Variants in RUNX3 observed in about 807,000 individuals in gnomAD.
The protein encoded by RUNX3 is RUNX family transcription factor 3.
In RUNX3, 10 loss-of-function variants were observed where a neutral mutation model predicts 27.7. The observed-to-expected ratio is 0.36, with a 90% CI of 0.22 to 0.61. The LOEUF is 0.61. RUNX3 is among the 20% of genes least tolerant of loss of function. RUNX3 has a pLI of 0.72. For missense variants in RUNX3, 469 were observed against 629.5 expected, an observed-to-expected ratio of 0.75 and a Z score of 2.73; for synonymous variants, 270 against 269.2, an observed-to-expected ratio of 1.00 and a Z score of -0.03.
Position 24,929,802 on chromosome 1 carries a change from C to A in RUNX3, c.67G>T (p.Gly23Cys), listed in dbSNP as rs1231804510. The A allele has an allele frequency of 2.1e-6, 3 of 1,424,844 alleles. No individual in the cohort carries two copies. Among genetic ancestry groups the A allele is most frequent in the Non-Finnish European group, 2.7e-6 (3 of 1,097,402 alleles). The allele number at this position is 1,424,844 out of a possible 1,614,324, so 88.3% of individuals were successfully genotyped here. The change falls in exon 1 of 5, where the codon GGC becomes TGC. Residue 23 changes from glycine to cysteine, a missense_variant. By Grantham distance (159) the Gly-to-Cys change is radical. Transcript: ENST00000308873. ...FTPPSPAFPC[G>C]GGGGKMGENS... The stretch of plus-strand genomic sequence containing the variant: ...TCGCCCATCTTGCCGCCGCCGCCGC[C>A]GCAGGGGAAGGCCGGGGAGGGAGGT...
intron 4 of RUNX3, among the ~76,000 whole-genome samples, chr1:24,906,953 A>G (rs1387686866): frequency 6.6e-6 from 1 of 152,168 alleles, no homozygotes; most frequent in East Asian, 1.9e-4. Flanking sequence ...CAATTTTAAT[A>G]GGGGCACTAT....
chr1:24,916,745 C>T lies in RUNX3; in HGVS notation c.544+2495G>A, dbSNP rs1056676132. On this transcript the variant is annotated intron_variant, in intron 3 of 4. Transcript: ENST00000308873. The surrounding 1 kb of genome is among the most constrained non-coding windows in gnomAD (Gnocchi z 4.8). ...ATGGGGGACCTAGTAGACTGCCCCC[C>T]GACTCCATCTCTGCTCTGTTCTGTA... Among the ~76,000 whole-genome samples the T allele has an allele frequency of 3.3e-5, 5 of 152,206 alleles. No individual in the cohort carries two copies. Among genetic ancestry groups the T allele is most frequent in the East Asian group, 1.9e-4 (1 of 5,178 alleles).
chr1:24,920,264 A>G (rs569325885), intron 2 of RUNX3, among the ~76,000 whole-genome samples: 1 of 150,834 alleles, frequency 6.6e-6, no homozygotes, highest in Non-Finnish European at 1.5e-5. Flanking sequence ...CCTTCTGTTT[A>G]TAAAAATCTT....
At chr1:24,921,620 C>T (rs994201380) in intron 2 of RUNX3, among the ~76,000 whole-genome samples, 3 of 152,222 alleles carry the variant, frequency 2.0e-5, no homozygotes, top group Middle Eastern at 3.2e-3. Flanking sequence ...GCTCCCTGCC[C>T]GACCCCTCCT....
chr1:24,909,249 G>T (rs1640752719), intron 3 of RUNX3, among the ~76,000 whole-genome samples: 1 of 152,168 alleles, frequency 6.6e-6, no homozygotes, highest in Non-Finnish European at 1.5e-5. Context: ...AGCAACACGT[G>T]AATATTTACA....
At chr1:24,932,944 T>A (rs1641265543), upstream of RUNX3, among the ~76,000 whole-genome samples, 1 of 152,178 alleles carries the variant, frequency 6.6e-6, no homozygotes, top group African/African-American at 2.4e-5. Context: ...TACCCTACCT[T>A]GACTTAGAGC....
At chr1:24,961,110 G>A (rs1475702068) in intron 2 of RUNX3, among the ~76,000 whole-genome samples, 3 of 144,394 alleles carry the variant, frequency 2.1e-5, no homozygotes, top group South Asian at 4.8e-4. Context: ...TCTCCACAGT[G>A]AACTGAGGGG....
intron 2 of RUNX3, among the ~76,000 whole-genome samples, chr1:24,926,248 C>T (rs944841482): frequency 2.6e-5 from 4 of 152,168 alleles, no homozygotes; most frequent in South Asian, 4.1e-4. Flanking sequence ...GGGATTAAGT[C>T]GCAAAGGGTT....
chr1:24,913,422 T>C (rs145624317), intron 3 of RUNX3, among the ~76,000 whole-genome samples: 36 of 152,374 alleles, frequency 2.4e-4, no homozygotes, highest in African/African-American at 8.2e-4. Context: ...GGGCCTCAGC[T>C]GTCTTATCTG....
chr1:24,936,561 G>T (rs1046060799), intron 2 of RUNX3, among the ~76,000 whole-genome samples: 1 of 152,188 alleles, frequency 6.6e-6, no homozygotes, highest in Non-Finnish European at 1.5e-5. Flanking sequence ...TCAAATGACA[G>T]AACTGAGGCC....
Position 24,903,930 on chromosome 1 carries a change from C to T in RUNX3, c.704-1264G>A, listed in dbSNP as rs187829195. On this transcript the variant is annotated intron_variant, in intron 4 of 4. Coordinates refer to ENST00000308873, the MANE Select transcript of RUNX3 (RefSeq NM_004350.3). ...TCATCAGGATTCAGTTAATTCACAT[C>T]GAGTACTTAGAATGGCACTGGGCAC... Among the ~76,000 whole-genome samples the T allele has an allele frequency of 2.8e-4, 42 of 152,322 alleles. 1 individual carries two copies. In the East Asian group the frequency reaches 6.8e-3, roughly 24 times the overall value.
At chr1:24,958,785 C>T (rs1642018670) in intron 2 of RUNX3, among the ~76,000 whole-genome samples, 3 of 152,206 alleles carry the variant, frequency 2.0e-5, no homozygotes. Flanking sequence ...GACAGGGCTC[C>T]CCAGTGGCTG....
At chr1:24,934,501 C>T (rs1192953061), upstream of RUNX3, among the ~76,000 whole-genome samples, 3 of 152,184 alleles carry the variant, frequency 2.0e-5, no homozygotes, top group Admixed American at 6.5e-5. Flanking sequence ...GTCCACGCTC[C>T]CCTGAGCCTT....
At chr1:24,936,366 A>G (rs1641350470) in intron 2 of RUNX3, among the ~76,000 whole-genome samples, 1 of 152,228 alleles carries the variant, frequency 6.6e-6, no homozygotes, top group Non-Finnish European at 1.5e-5. Context: ...CCAACGAGGC[A>G]GCCTGGCCCC....
rs1641123307 is a variant in RUNX3 at position 24,927,568 on chromosome 1, A to C, written c.439+6T>G. 1 of 1,613,658 alleles carries C rather than the reference A, an allele frequency of 6.2e-7. No homozygotes were observed. The highest frequency in any genetic ancestry group is 1.3e-5 in the African/African-American group (1 of 74,910). On this transcript the variant is annotated splice_donor_region_variant and intron_variant, in intron 2 of 4. Transcript: ENST00000308873. The surrounding 1 kb of genome is among the most constrained non-coding windows in gnomAD (Gnocchi z 5.0). Reference sequence around the variant, plus strand: ...GCTGAAATGGCGAGGCCTCCCTTCCACTTACCTCGCCCACTGCGGCCCACG... The same window carrying C: ...GCTGAAATGGCGAGGCCTCCCTTCCCCTTACCTCGCCCACTGCGGCCCACG...
chr1:24,912,926 A>G (rs995812237), intron 3 of RUNX3, among the ~76,000 whole-genome samples: 1 of 152,270 alleles, frequency 6.6e-6, no homozygotes, highest in Non-Finnish European at 1.5e-5. Context: ...CTGCAGGCCC[A>G]GGAGGATAGG....
intron 2 of RUNX3, among the ~76,000 whole-genome samples, chr1:24,947,925 G>T (rs918605046): frequency 4.6e-5 from 7 of 152,170 alleles, no homozygotes; most frequent in African/African-American, 1.7e-4. Context: ...TGCCTCCTCC[G>T]CTTCTACCTT....
intron 2 of RUNX3, among the ~76,000 whole-genome samples, chr1:24,937,054 C>T (rs896815972): frequency 5.3e-5 from 8 of 152,202 alleles, no homozygotes; most frequent in African/African-American, 7.2e-5. Flanking sequence ...TCTTTTATGC[C>T]GCCTCTGATG....
chr1:24,938,145 G>C (rs571890534), intron 2 of RUNX3, among the ~76,000 whole-genome samples: 1 of 152,310 alleles, frequency 6.6e-6, no homozygotes, highest in South Asian at 2.1e-4. Flanking sequence ...AAGGCTCATA[G>C]AGCCAACTGC....
Sources: gnomAD v4.1 joint callset for allele counts (sites outside exome capture counted in the v4.1 genomes callset) on GRCh38, gnomAD v4.1.1 for gene constraint, Gnocchi (gnomAD v3.1) non-coding constraint, MANE v1.5 for transcripts, NCBI Gene and HGNC (gene_info 2026-07-23, HGNC 2026-07-21) for gene names.